Variants in PPARG observed in about 807,000 individuals in gnomAD.
The protein encoded by PPARG is peroxisome proliferator activated receptor gamma.
PPARG carries 17 observed loss-of-function variants against 39.2 expected under a neutral mutation model. The observed-to-expected ratio is 0.43, with a 90% CI of 0.30 to 0.65. The LOEUF (loss-of-function observed/expected upper bound fraction) is 0.65, where lower values mean the gene tolerates loss of function less well. Ranked by LOEUF, PPARG falls within the 30% of genes least tolerant of loss-of-function variation. The pLI, the probability that PPARG is intolerant of heterozygous loss-of-function variation, is 0.13. For missense variants in PPARG, 406 were observed against 585.9 expected, an observed-to-expected ratio of 0.69 and a Z score of 3.17; for synonymous variants, 223 against 215.7, an observed-to-expected ratio of 1.03 and a Z score of -0.30.
At chr3:12,335,651 A>G (rs911856651) in intron 2 of PPARG, among the ~76,000 whole-genome samples, 19 of 152,212 alleles carry the variant, frequency 1.2e-4, no homozygotes, top group South Asian at 4.1e-4. Context: ...CCTACGGCAA[A>G]AACTTTGCAA....
At chr3:12,391,728 A>G (rs370995310) in intron 4 of PPARG, among the ~76,000 whole-genome samples, 13 of 152,324 alleles carry the variant, frequency 8.5e-5, no homozygotes, top group African/African-American at 1.9e-4. Context: ...CGTTTGGAGA[A>G]AGTCAAAATG....
intron 2 of PPARG, among the ~76,000 whole-genome samples, chr3:12,345,701 C>G (rs916851135): frequency 6.6e-6 from 1 of 152,202 alleles, no homozygotes; most frequent in African/African-American, 2.4e-5. Flanking sequence ...TTCGTGAGCC[C>G]GTGATTTCAA....
intron 2 of PPARG, among the ~76,000 whole-genome samples, chr3:12,314,372 G>C (rs1350763264): frequency 6.6e-6 from 1 of 152,076 alleles, no homozygotes; most frequent in African/African-American, 2.4e-5. Context: ...CACTTACTCA[G>C]TAATTACAAA....
chr3:12,405,212 A>G (rs2050616966), intron 5 of PPARG, among the ~76,000 whole-genome samples: 1 of 152,128 alleles, frequency 6.6e-6, no homozygotes, highest in Non-Finnish European at 1.5e-5. Context: ...TCTTTCTTTC[A>G]TTATCTTCTT....
intron 1 of PPARG, among the ~76,000 whole-genome samples, chr3:12,304,223 G>A (rs2047000505): frequency 6.6e-6 from 1 of 152,192 alleles, no homozygotes; most frequent in Non-Finnish European, 1.5e-5. Flanking sequence ...CCCCCGTGAT[G>A]TCATATTGGG....
intron 6 of PPARG, among the ~76,000 whole-genome samples, chr3:12,410,016 C>A (rs1048239990): frequency 6.6e-6 from 1 of 152,178 alleles, no homozygotes; most frequent in Non-Finnish European, 1.5e-5. Flanking sequence ...TGATGCCCTA[C>A]TTTTCATTGT....
chr3:12,301,609 C>A (rs2046928025), intron 1 of PPARG: 1 of 152,166 alleles, frequency 6.6e-6, no homozygotes, highest in African/African-American at 2.4e-5. Context: ...CTTGTGACAT[C>A]TCTGGACAAC....
At chr3:12,346,621 C>T (rs574794121) in intron 2 of PPARG, among the ~76,000 whole-genome samples, 7 of 151,502 alleles carry the variant, frequency 4.6e-5, no homozygotes, top group Non-Finnish European at 1.0e-4. Context: ...ACCAAAGATA[C>T]ATTTACTGGA....
At chr3:12,419,072 G>A (rs2051172691) in intron 7 of PPARG, among the ~76,000 whole-genome samples, 1 of 152,108 alleles carries the variant, frequency 6.6e-6, no homozygotes, top group Non-Finnish European at 1.5e-5. Context: ...AGCCTCCCGA[G>A]TAGCTGGGAT....
At chr3:12,410,847 CT>C (rs2050857167) in intron 6 of PPARG, among the ~76,000 whole-genome samples, 1 of 152,180 alleles carries the variant, frequency 6.6e-6, no homozygotes, top group Admixed American at 6.5e-5. Context: ...CTTTTAAATC[CT>C]ACACTTACAG....
intron 7 of PPARG, among the ~76,000 whole-genome samples, chr3:12,429,250 A>G (rs1417217145): frequency 6.6e-6 from 1 of 152,050 alleles, no homozygotes; most frequent in African/African-American, 2.4e-5. Flanking sequence ...GAAAATCCAA[A>G]CCAGATCCCT....
At chr3:12,350,890 T>C (rs1400981715) in intron 2 of PPARG, among the ~76,000 whole-genome samples, 2 of 152,194 alleles carry the variant, frequency 1.3e-5, no homozygotes, top group Non-Finnish European at 2.9e-5. Context: ...TGAAACCATA[T>C]CAAACCCTTC....
chr3:12,397,065 A>G (rs746275357), intron 5 of PPARG, among the ~76,000 whole-genome samples: 19 of 152,210 alleles, frequency 1.2e-4, no homozygotes, highest in Non-Finnish European at 2.5e-4. Context: ...TTTTCTCTAT[A>G]ACATTGAGAT....
At chr3:12,371,743 A>C (rs1210042601) in intron 2 of PPARG, 1 of 514,120 alleles carries the variant, frequency 1.9e-6, no homozygotes, top group Non-Finnish European at 3.7e-6. Context: ...GCTCCCGTCC[A>C]GTCAGCCTCT....
intron 6 of PPARG, among the ~76,000 whole-genome samples, chr3:12,416,332 T>C (rs975226228): frequency 6.6e-5 from 10 of 152,200 alleles, no homozygotes; most frequent in Non-Finnish European, 1.2e-4. Context: ...TGAGCCCTGA[T>C]TGTGCCACTG....
At chr3:12,303,597 G>C (rs1410884490) in intron 1 of PPARG, among the ~76,000 whole-genome samples, 1 of 152,176 alleles carries the variant, frequency 6.6e-6, no homozygotes, top group Non-Finnish European at 1.5e-5. Flanking sequence ...ACTTTCCCTT[G>C]TGGAGCTCGC....
At chr3:12,391,588 C>G (rs946968435) in intron 4 of PPARG, among the ~76,000 whole-genome samples, 4 of 152,082 alleles carry the variant, frequency 2.6e-5, no homozygotes, top group Non-Finnish European at 1.5e-5. Flanking sequence ...TGGAGAAAGC[C>G]GCAAGTGAAG....
intron 2 of PPARG, among the ~76,000 whole-genome samples, chr3:12,373,072 A>C (rs1462672905): frequency 6.6e-6 from 1 of 152,184 alleles, no homozygotes; most frequent in Non-Finnish European, 1.5e-5. Context: ...TTGTTCTTTC[A>C]TGGGTAATTG....
chr3:12,327,494 A>C (rs905504876), intron 2 of PPARG, among the ~76,000 whole-genome samples: 1 of 152,214 alleles, frequency 6.6e-6, no homozygotes, highest in Non-Finnish European at 1.5e-5. Context: ...CACCCTGAGA[A>C]AAACTAGAGA....
Sources: allele counts gnomAD v4.1 joint callset (sites outside exome capture counted in the v4.1 genomes callset), GRCh38; gene constraint gnomAD v4.1.1; transcripts MANE v1.5; gene names NCBI Gene and HGNC (gene_info 2026-07-23, HGNC 2026-07-21).